The following F5 variants were observed in gnomAD, a reference collection of about 807,000 sequenced individuals.
F5 encodes activated protein c cofactor.
A neutral mutation model predicts 216.4 loss-of-function variants in F5; 138 were observed. The ratio of observed to expected loss-of-function variants is 0.64; its 90% confidence interval spans 0.56 to 0.73. The LOEUF (loss-of-function observed/expected upper bound fraction) is 0.73, where lower values mean the gene tolerates loss of function less well. Ranked by LOEUF, F5 falls within the 30% of genes least tolerant of loss-of-function variation. The pLI is 0.00. For synonymous variants in F5, 916 were observed against 930.7 expected, an observed-to-expected ratio of 0.98 and a Z score of 0.29; for missense variants, 2,403 against 2,674.0, an observed-to-expected ratio of 0.90 and a Z score of 2.24.
chr1:169,571,790 G>A (rs1038185194), intron 3 of F5, among the ~76,000 whole-genome samples: 4 of 152,140 alleles, frequency 2.6e-5, no homozygotes, highest in African/African-American at 7.2e-5. Flanking sequence ...AATAGGTATC[G>A]TCTATGGCTG....
In F5 at chr1:169,513,910, T is replaced by G. The variant is rs1000726290; in HGVS notation, c.*403A>C. ...CTCAAGAAAAACCATTAAAAAATCA[T>G]GTGTTTGTGAAAGTTATCCAGGTCT... is the stretch of plus-strand genomic sequence containing the variant. On this transcript the variant is annotated 3_prime_UTR_variant, in exon 25 of 25. Coordinates refer to ENST00000367797, the MANE Select transcript of F5 (RefSeq NM_000130.5). 6.6e-6 allele frequency among the ~76,000 whole-genome samples: 1 copy of G among 152,158 alleles called. No homozygotes were observed. The highest frequency in any genetic ancestry group is 1.9e-4 in the East Asian group (1 of 5,196).
At position 169,540,430 on chromosome 1, in the gene F5, C is replaced by T. The variant is rs369088927; in HGVS notation, c.4660G>A (p.Val1554Ile). Residue 1554 changes from valine (V) to isoleucine (I), a missense_variant, in exon 13 of 25, where the codon GTT (valine) becomes ATT (isoleucine). Physicochemically the swap from Val to Ile is conservative, Grantham distance 29. Transcript: ENST00000367797. ...CTGGAGGAGTTGATGTTTGTCCTAA[C>T]ATCAGTTTTGTAGGGGTCATCATAG... Reference protein sequence around the residue: ...VPYDDPYKTDVRTNINSSRDP... With the variant: ...VPYDDPYKTDIRTNINSSRDP... 2.5e-6 allele frequency: 4 copies of T among 1,613,894 alleles called. No individual in the cohort carries two copies. The African/African-American group carries it at 5.3e-5, about 22-fold the overall frequency.
intron 13 of F5, 46 bp from the exon 14 acceptor site, chr1:169,536,726 T>A: frequency 6.7e-7 from 1 of 1,497,588 alleles, no homozygotes; most frequent in Non-Finnish European, 9.3e-7. Flanking sequence ...TTAAAGACTG[T>A]TCCCAGAATT....
chr1:169,550,125 T>C, intron 9 of F5, 110 bp from the exon 10 acceptor site: 1 of 866,200 alleles, frequency 1.2e-6, no homozygotes, highest in Admixed American at 2.3e-5. Context: ...AGGAATTCTT[T>C]TATTTTTATT....
chr1:169,529,073 G>C (rs2101810461), intron 16 of F5, among the ~76,000 whole-genome samples: 1 of 152,240 alleles, frequency 6.6e-6, no homozygotes. Context: ...TTCCCAGTGT[G>C]ACCACCCAAA....
intron 23 of F5, 77 bp from the exon 24 acceptor site, chr1:169,515,703 A>G (rs1288523756): frequency 2.1e-6 from 3 of 1,442,516 alleles, no homozygotes; most frequent in Non-Finnish European, 1.9e-6. Context: ...GTTATGCAAA[A>G]AAGCACAGAG....
Position 169,540,579 on chromosome 1 carries a change from G to C in F5, c.4511C>G (p.Ser1504Ter). The change falls in exon 13 of 25, where the codon TCA becomes TGA. Residue 1504 changes from serine to a stop codon, truncating the protein, a stop_gained. Transcript: ENST00000367797. LOFTEE classifies it high-confidence loss of function. Reference protein sequence around the residue: ...SSPTLNDTFLSKEFNPLVIVG... With the variant: ...SSPTLNDTFL ...TATAACCAGTGGATTAAATTCCTTT[G>C]ATAGAAAAGTATCATTGAGAGTAGG... The C allele has an allele frequency of 6.2e-7, 1 of 1,613,956 alleles. No individual in the cohort carries two copies. The highest frequency in any genetic ancestry group is 8.5e-7 in the Non-Finnish European group (1 of 1,179,956).
chr1:169,562,166 CAA>C lies in F5; in HGVS notation c.374-1402_374-1401del, dbSNP rs528072164. ...AAGATAGAGAAGAGTTCCATCATTC[CAA>C]AACATTTCTTCATGCCATTTGTAGC... On this transcript the variant is annotated intron_variant, in intron 3 of 24. Transcript: ENST00000367797. Among the ~76,000 whole-genome samples, 5 of 152,204 alleles carry C rather than the reference CAA, an allele frequency of 3.3e-5. No homozygotes were observed. In the South Asian group the frequency reaches 1.0e-3, roughly 31 times the overall value.
At chr1:169,515,045 A>G (rs548468180) in intron 24 of F5, among the ~76,000 whole-genome samples, 15 of 152,250 alleles carry the variant, frequency 9.9e-5, no homozygotes, top group Admixed American at 9.8e-4. Context: ...GCCACCAATA[A>G]ATGTTTGACT....
chr1:169,558,572 C>G (rs1024387666), intron 5 of F5, among the ~76,000 whole-genome samples: 2 of 152,132 alleles, frequency 1.3e-5, no homozygotes, highest in Non-Finnish European at 2.9e-5. Flanking sequence ...AGTTGTAGGT[C>G]AGTTCTACCA....
At chr1:169,577,317 CA>C (rs1660875733) in intron 2 of F5, among the ~76,000 whole-genome samples, 2 of 151,874 alleles carry the variant, frequency 1.3e-5, no homozygotes, top group Non-Finnish European at 2.9e-5. Context: ...CAGGGACAAA[CA>C]TTTTATAATT....
At position 169,541,588 on chromosome 1, in the gene F5, T is replaced by A. The variant is rs1659852748; in HGVS notation, c.3502A>T (p.Thr1168Ser). 1 of 1,614,068 alleles carries A rather than the reference T, an allele frequency of 6.2e-7. No homozygotes were observed. The change falls in exon 13 of 25, where the codon ACA (threonine) becomes TCA (serine). Residue 1168 changes from threonine to serine, a missense_variant. This residue lies in a region of F5 where 1,425 missense variants were observed against 1,554.8 expected (regional missense o/e 0.92). Transcript: ENST00000367797. ...EYDRSHKSFPTDISQMSPSSE... is the reference protein window; with the variant it reads ...EYDRSHKSFPSDISQMSPSSE... ...GAAGGGGACATTTGACTTATATCTG[T>A]GGGGAAGGACTTGTGACTTCGGTCA...
rs1433124099 is a variant in F5 at position 169,572,264 on chromosome 1, C to T, written c.330G>A (p.Leu110=). 1.2e-6 allele frequency: 2 copies of T among 1,613,040 alleles called. No homozygotes were observed. Among genetic ancestry groups the T allele is most frequent in the African/African-American group, 1.3e-5 (1 of 74,846 alleles). The change falls in exon 3 of 25, where the codon TTG becomes TTA. Residue 110 remains leucine, a synonymous_variant. Coordinates refer to ENST00000367797, the MANE Select transcript of F5 (RefSeq NM_000130.5). Reference sequence around the variant, plus strand: ...ACCTAATTCCTTGAGGATGGATGCTCAAGGGCTTATCTGCCTTATTTTTAA... The same window carrying T: ...ACCTAATTCCTTGAGGATGGATGCTTAAGGGCTTATCTGCCTTATTTTTAA... ...VHFKNKADKP[L]SIHPQGIRYS...
intron 21 of F5, 77 bp from the exon 22 acceptor site, chr1:169,520,741 T>A: frequency 8.5e-7 from 1 of 1,180,704 alleles, no homozygotes; most frequent in Non-Finnish European, 1.2e-6. Context: ...TGATCTAATT[T>A]AATATTGTAA....
Position 169,529,711 on chromosome 1 carries a change from T to G in F5, c.5316A>C (p.Leu1772=), listed in dbSNP as rs745638757. The change falls in exon 16 of 25, where the codon CTA becomes CTC. Residue 1772 remains leucine, a synonymous_variant. Coordinates refer to ENST00000367797, the MANE Select transcript of F5 (RefSeq NM_000130.5). ...MPMDMREFVL[L]FMTFDEKKSW... ...TCTTCTTTTCATCAAAGGTCATAAA[T>G]AGTAAGACAAATTCTCTCATGTCCA... The G allele has an allele frequency of 2.4e-5, 39 of 1,613,848 alleles. No individual in the cohort carries two copies. Among genetic ancestry groups the G allele is most frequent in the Non-Finnish European group, 3.2e-5 (38 of 1,179,810 alleles).
At chr1:169,538,965 C>T (rs1659769483) in intron 13 of F5, among the ~76,000 whole-genome samples, 1 of 152,072 alleles carries the variant, frequency 6.6e-6, no homozygotes, top group Non-Finnish European at 1.5e-5. Context: ...ACTCAGGATA[C>T]CCAAAGGATC....
chr1:169,523,449 AGCTAGCACAT>A, intron 20 of F5, 97 bp from the exon 21 acceptor site: 2 of 1,401,362 alleles, frequency 1.4e-6, no homozygotes, highest in Non-Finnish European at 2.0e-6. Context: ...AGAACTAAAG[AGCTAGCACAT>A]AAGATCTTAG....
At position 169,524,896 on chromosome 1, in the gene F5, G is replaced by A. The variant is rs200805004; in HGVS notation, c.5729C>T (p.Pro1910Leu). 2.4e-5 allele frequency: 38 copies of A among 1,613,186 alleles called. 1 individual carries two copies. The Middle Eastern group carries it at 1.5e-3, about 63-fold the overall frequency. Reference protein sequence around the residue: ...FLIMDRDCRMPMGLSTGIISD... With the variant: ...FLIMDRDCRMLMGLSTGIISD... ...TATGATACCAGTGCTTAGTCCCATT[G>A]GCATCCTACAGTCTATGAAAAACAG... Residue 1910 changes from proline to leucine, a missense_variant, in exon 19 of 25, where the codon CCA (proline) becomes CTA (leucine). By Grantham distance (98) the Pro-to-Leu change is moderately conservative (BLOSUM62 -3). Transcript: ENST00000367797.
Position 169,576,710 on chromosome 1 carries a change from A to G in F5, c.251-4367T>C, listed in dbSNP as rs74977395. Among the ~76,000 whole-genome samples, 1,058 of 152,148 alleles carry G rather than the reference A, an allele frequency of 7.0e-3. 14 individuals are homozygous for G. The highest frequency in any genetic ancestry group is 0.025 in the African/African-American group (1,023 of 41,492). On this transcript the variant is annotated intron_variant, in intron 2 of 24. Coordinates refer to ENST00000367797, the MANE Select transcript of F5 (RefSeq NM_000130.5). ...CTGCTACCCTCTGTCTTGGCTCCTG[A>G]TGGAAGTTTCCACTGACTATTCCCA...
Sources: allele counts gnomAD v4.1 joint callset (sites outside exome capture counted in the v4.1 genomes callset), GRCh38; gene constraint gnomAD v4.1.1; regional missense constraint gnomAD v4.1.1; transcripts MANE v1.5; gene names NCBI Gene and HGNC (gene_info 2026-07-23, HGNC 2026-07-21).